The following SERPINB7 variants were observed in gnomAD, a reference collection of about 807,000 sequenced individuals.
SERPINB7 encodes serpin B7.
SERPINB7 carries 31 observed loss-of-function variants against 37.4 expected under a neutral mutation model. The observed-to-expected ratio is 0.83, with a 90% CI of 0.62 to 1.12. The LOEUF (loss-of-function observed/expected upper bound fraction) is 1.12, where lower values mean the gene tolerates loss of function less well. Among genes scored for constraint, SERPINB7 ranks in the 50% most tolerant of loss-of-function variants. The pLI is 0.00. For missense variants in SERPINB7, 521 were observed against 455.3 expected (o/e 1.14, Z -1.31); for synonymous variants, 163 against 166.1 (o/e 0.98, Z 0.14).
At chr18:63,787,296 T>A (rs1001999370) in intron 2 of SERPINB7, among the ~76,000 whole-genome samples, 2 of 152,162 alleles carry the variant, frequency 1.3e-5, no homozygotes, top group Non-Finnish European at 1.5e-5. Context: ...GAATCTACAA[T>A]TTCTTGGATT....
rs1189684845 is a variant in SERPINB7, at chr18:63,798,738, T to C, written c.589T>C (p.Ser197Pro). The change falls in exon 6 of 8, where the codon TCT (serine) becomes CCT (proline). Residue 197 changes from serine (S) to proline (P), a missense_variant. Physicochemically the swap from Ser to Pro is moderately conservative, Grantham distance 74. Coordinates refer to ENST00000398019, the MANE Select transcript of SERPINB7 (RefSeq NM_003784.4). The stretch of plus-strand genomic sequence containing the variant: ...CGAAACCATAAATTGCCATTTCAAA[T>C]CTCCCAAGGTATGTCGTCAATCTCC... ...KSETINCHFK[S>P]PKCSGKAVAM... is the part of the protein sequence containing the mutation. 1 of 1,612,526 alleles carries C rather than the reference T, an allele frequency of 6.2e-7. No homozygotes were observed. The highest frequency in any genetic ancestry group is 2.2e-5 in the East Asian group (1 of 44,828).
intron 1 of SERPINB7, 141 bp from the exon 2 acceptor site, chr18:63,782,214 T>G: frequency 4.3e-6 from 2 of 468,202 alleles, no homozygotes. Context: ...AACTTTTCCC[T>G]TTTTGTTAGA....
chr18:63,782,413 A>T lies in SERPINB7; in HGVS notation c.41A>T (p.Asn14Ile). 1 of 1,614,040 alleles carries T rather than the reference A, an allele frequency of 6.2e-7. No individual in the cohort carries two copies. The highest frequency in any genetic ancestry group is 8.5e-7 in the Non-Finnish European group (1 of 1,179,938). Reference sequence around the variant, plus strand: ...GCAGCAAATGCAGAGTTTTGCTTCAACCTGTTCAGAGAGATGGATGACAAT... The same window carrying T: ...GCAGCAAATGCAGAGTTTTGCTTCATCCTGTTCAGAGAGATGGATGACAAT... ...LAAANAEFCFNLFREMDDNQG... is the reference protein window; with the variant it reads ...LAAANAEFCFILFREMDDNQG... Residue 14 changes from asparagine to isoleucine, a missense_variant, in exon 2 of 8, where the codon AAC becomes ATC. Transcript: ENST00000398019.
intron 1 of SERPINB7, among the ~76,000 whole-genome samples, chr18:63,779,821 G>T (rs902384929): frequency 3.6e-4 from 54 of 152,018 alleles, no homozygotes; most frequent in Non-Finnish European, 5.6e-4. Flanking sequence ...TGTGATTGGT[G>T]CTTAGAAAGT....
At chr18:63,784,286 G>C (rs1614346) in intron 2 of SERPINB7, among the ~76,000 whole-genome samples, 20,764 of 152,080 alleles carry the variant, frequency 0.14, 2,378 homozygotes, top group East Asian at 0.44. Flanking sequence ...TCTTTGTTGT[G>C]AGGGGCTGTC....
intron 1 of SERPINB7, among the ~76,000 whole-genome samples, chr18:63,756,877 ACT>A (rs372152508): frequency 6.6e-6 from 1 of 150,424 alleles, no homozygotes; most frequent in African/African-American, 2.4e-5. Flanking sequence ...ACTTATAAAG[ACT>A]CTAATTTCTT....
chr18:63,758,845 A>G (rs1296517665), intron 1 of SERPINB7, among the ~76,000 whole-genome samples: 1 of 152,224 alleles, frequency 6.6e-6, no homozygotes, highest in Non-Finnish European at 1.5e-5. Context: ...ATCCTCACAG[A>G]GTCCAAGTGT....
rs371267663 is a variant in SERPINB7, at chr18:63,798,788, A to T, written c.597+42A>T. The T allele has an allele frequency of 1.4e-5, 23 of 1,591,220 alleles. No individual in the cohort carries two copies. In the African/African-American group the frequency reaches 2.8e-4, roughly 20 times the overall value. On this transcript the variant is annotated intron_variant, in intron 6 of 7. Coordinates refer to ENST00000398019, the MANE Select transcript of SERPINB7 (RefSeq NM_003784.4). The stretch of plus-strand genomic sequence containing the variant: ...CTATTTAATTTAGAACTTTTCCACA[A>T]TCGTATTCCTTTGCAGGACTGTGAT...
chr18:63,774,615 C>A (rs2049231807), upstream of SERPINB7, among the ~76,000 whole-genome samples: 1 of 152,092 alleles, frequency 6.6e-6, no homozygotes, highest in African/African-American at 2.4e-5. Context: ...AAAGTGCAAA[C>A]CCACTTTAAC....
chr18:63,755,979 C>A (rs9957851), intron 1 of SERPINB7, among the ~76,000 whole-genome samples: 30,697 of 151,898 alleles, frequency 0.2, 3,661 homozygotes, highest in Middle Eastern at 0.31. Context: ...AAGGTCATTA[C>A]AGTGAGTCAA....
chr18:63,781,104 C>T (rs1399494920), intron 1 of SERPINB7, among the ~76,000 whole-genome samples: 1 of 152,096 alleles, frequency 6.6e-6, no homozygotes, highest in Non-Finnish European at 1.5e-5. Flanking sequence ...GTATTTGCAA[C>T]TGTGACAAAG....
At chr18:63,765,991 C>G (rs2049178755) in intron 1 of SERPINB7, among the ~76,000 whole-genome samples, 1 of 152,102 alleles carries the variant, frequency 6.6e-6, no homozygotes, top group Admixed American at 6.6e-5. Flanking sequence ...TACCTTTGTT[C>G]TTTCCTTCAG....
chr18:63,755,315 T>G (rs2144579619), intron 1 of SERPINB7, among the ~76,000 whole-genome samples: 1 of 152,332 alleles, frequency 6.6e-6, no homozygotes, highest in Non-Finnish European at 1.5e-5. Context: ...TCATGGATTC[T>G]TTTCATTTCG....
intron 3 of SERPINB7, 59 bp downstream of exon 3, chr18:63,792,502 C>T (rs2049440264): frequency 2.7e-6 from 3 of 1,129,130 alleles, no homozygotes; most frequent in African/African-American, 1.5e-5. Flanking sequence ...GGGGCTCAAG[C>T]CTGTAATACC....
intron 4 of SERPINB7, among the ~76,000 whole-genome samples, chr18:63,794,818 A>G (rs75490430): frequency 0.037 from 5,586 of 152,340 alleles, 132 homozygotes; most frequent in African/African-American, 0.07. Flanking sequence ...ATCCAAGGAA[A>G]TCACACACAA....
chr18:63,789,585 A>G (rs773372612), intron 2 of SERPINB7, among the ~76,000 whole-genome samples: 1 of 152,144 alleles, frequency 6.6e-6, no homozygotes, highest in African/African-American at 2.4e-5. Context: ...TTGACTAAAA[A>G]ACTGAGGGAG....
chr18:63,803,920 T>C (rs940631108), intron 7 of SERPINB7, among the ~76,000 whole-genome samples: 1 of 152,174 alleles, frequency 6.6e-6, no homozygotes, highest in Non-Finnish European at 1.5e-5. Flanking sequence ...GGTCTCAAAT[T>C]CCCAGGTTCC....
At chr18:63,761,631 G>A (rs1270599462) in intron 1 of SERPINB7, among the ~76,000 whole-genome samples, 2 of 152,156 alleles carry the variant, frequency 1.3e-5, no homozygotes, top group African/African-American at 4.8e-5. Context: ...CCCAGGGAGA[G>A]GCAATTGAAT....
intron 2 of SERPINB7, among the ~76,000 whole-genome samples, chr18:63,787,989 A>C (rs2049389920): frequency 6.6e-6 from 1 of 152,206 alleles, no homozygotes; most frequent in Admixed American, 6.5e-5. Flanking sequence ...AAGCCAACCT[A>C]CTGGACTGCC....
Sources: allele counts gnomAD v4.1 joint callset (sites outside exome capture counted in the v4.1 genomes callset), GRCh38; gene constraint gnomAD v4.1.1; transcripts MANE v1.5; gene names NCBI Gene and HGNC (gene_info 2026-07-23, HGNC 2026-07-21).